The following GALNTL6 variants were observed in gnomAD, a reference collection of about 807,000 sequenced individuals.
GALNTL6 encodes polypeptide N-acetylgalactosaminyltransferase-like 6.
A neutral mutation model predicts 73.7 loss-of-function variants in GALNTL6; 46 were observed. The ratio of observed to expected loss-of-function variants is 0.62; its 90% confidence interval spans 0.49 to 0.80. The LOEUF (loss-of-function observed/expected upper bound fraction) is 0.80. Ranked by LOEUF, GALNTL6 falls within the 30% of genes least tolerant of loss-of-function variation. The pLI is 0.00. For missense variants in GALNTL6, 604 were observed against 755.0 expected, an observed-to-expected ratio of 0.80 and a Z score of 2.34; for synonymous variants, 259 against 263.7, an observed-to-expected ratio of 0.98 and a Z score of 0.17.
chr4:172,380,837 T>A (rs1420471021), intron 5 of GALNTL6, among the ~76,000 whole-genome samples: 1 of 152,230 alleles, frequency 6.6e-6, no homozygotes, highest in Non-Finnish European at 1.5e-5. Flanking sequence ...GTTTTGCTGA[T>A]TTTCAGCTTG....
At chr4:171,958,384 C>T (rs896113091) in intron 2 of GALNTL6, among the ~76,000 whole-genome samples, 5 of 152,102 alleles carry the variant, frequency 3.3e-5, no homozygotes, top group Admixed American at 1.3e-4. Flanking sequence ...TAAGCTAATG[C>T]TTTCAGGGTG....
chr4:172,863,953 G>T (rs1245247623), intron 7 of GALNTL6, among the ~76,000 whole-genome samples: 1 of 152,104 alleles, frequency 6.6e-6, no homozygotes, highest in Non-Finnish European at 1.5e-5. Flanking sequence ...TTCCCATGCT[G>T]TTCTCATGAT....
chr4:171,838,270 C>G (rs1326534408), intron 2 of GALNTL6, among the ~76,000 whole-genome samples: 1 of 151,898 alleles, frequency 6.6e-6, no homozygotes, highest in Admixed American at 6.6e-5. Context: ...GTTACAGGAG[C>G]ACACCACCAT....
intron 2 of GALNTL6, among the ~76,000 whole-genome samples, chr4:172,196,088 G>C (rs1735759153): frequency 7.3e-6 from 1 of 137,666 alleles, no homozygotes; most frequent in South Asian, 2.3e-4. Flanking sequence ...TAACTGAATA[G>C]ACACAATAAA....
intron 4 of GALNTL6, among the ~76,000 whole-genome samples, chr4:172,331,097 AATTAT>A (rs1187526991): frequency 6.6e-6 from 1 of 151,920 alleles, no homozygotes; most frequent in Non-Finnish European, 1.5e-5. Context: ...TTTGCCTATT[AATTAT>A]ATTATCTATC....
chr4:172,779,156 G>T (rs553519048), intron 5 of GALNTL6, among the ~76,000 whole-genome samples: 20 of 152,262 alleles, frequency 1.3e-4, no homozygotes, highest in African/African-American at 4.3e-4. Flanking sequence ...AGCACTCCAA[G>T]TATTTGTCTA....
chr4:172,013,288 T>C (rs940653019), intron 2 of GALNTL6, among the ~76,000 whole-genome samples: 2 of 152,070 alleles, frequency 1.3e-5, no homozygotes, highest in African/African-American at 4.8e-5. Context: ...CCTATCTATG[T>C]ACTTATTAAA....
intron 5 of GALNTL6, among the ~76,000 whole-genome samples, chr4:172,523,827 A>C (rs928021892): frequency 4.6e-5 from 7 of 152,218 alleles, no homozygotes; most frequent in Admixed American, 1.3e-4. Flanking sequence ...ATCTTTAAAA[A>C]AATTGTCATT....
At chr4:172,436,691 C>G (rs1731645461) in intron 5 of GALNTL6, among the ~76,000 whole-genome samples, 1 of 152,014 alleles carries the variant, frequency 6.6e-6, no homozygotes, top group Non-Finnish European at 1.5e-5. Flanking sequence ...CTCAAGAGGC[C>G]ATAAGGAACA....
intron 5 of GALNTL6, among the ~76,000 whole-genome samples, chr4:172,562,155 C>T (rs1256738963): frequency 6.6e-6 from 1 of 152,136 alleles, no homozygotes; most frequent in Non-Finnish European, 1.5e-5. Context: ...ACCACCTCTC[C>T]TCTGGTGTTC....
At chr4:172,074,893 A>G (rs573927578) in intron 2 of GALNTL6, among the ~76,000 whole-genome samples, 4 of 152,240 alleles carry the variant, frequency 2.6e-5, no homozygotes, top group African/African-American at 9.6e-5. Flanking sequence ...CTTTTAAAAT[A>G]TGCTAAAGAT....
At chr4:172,418,737 C>G (rs554104224) in intron 5 of GALNTL6, among the ~76,000 whole-genome samples, 3 of 152,148 alleles carry the variant, frequency 2.0e-5, no homozygotes, top group African/African-American at 7.2e-5. Context: ...CATTATACTC[C>G]GATACATGGG....
At chr4:171,974,465 C>T (rs935667048) in intron 2 of GALNTL6, among the ~76,000 whole-genome samples, 1 of 152,106 alleles carries the variant, frequency 6.6e-6, no homozygotes, top group African/African-American at 2.4e-5. Flanking sequence ...TATCCTGATT[C>T]TTTGTAGCAT....
intron 5 of GALNTL6, among the ~76,000 whole-genome samples, chr4:172,442,357 G>T (rs894093106): frequency 6.6e-6 from 1 of 152,080 alleles, no homozygotes; most frequent in Non-Finnish European, 1.5e-5. Context: ...CTTCTGGGGG[G>T]AGTGAAGCCA....
At position 171,909,144 on chromosome 4, in the gene GALNTL6, T is replaced by TA. The variant is rs370708126; in HGVS notation, c.138+94428dup. 6.2e-5 allele frequency among the ~76,000 whole-genome samples: 8 copies of TA among 128,496 alleles called. No homozygotes were observed. The South Asian group carries it at 1.2e-3, about 20-fold the overall frequency. 84.3% of individuals were successfully genotyped at this position (128,496 alleles called of 152,430 possible). Reference sequence around the variant, plus strand: ...ATGTACCCTAAAACTTAAAGTATAATAATAAATAAATAAATAAATAAAAAG... The same window carrying TA: ...ATGTACCCTAAAACTTAAAGTATAATAAATAAATAAATAAATAAATAAAAAG... On this transcript the variant is annotated intron_variant, in intron 2 of 12. Coordinates refer to ENST00000506823, the MANE Select transcript of GALNTL6 (RefSeq NM_001034845.3).
At chr4:171,969,235 C>T (rs929510554) in intron 2 of GALNTL6, among the ~76,000 whole-genome samples, 3 of 152,158 alleles carry the variant, frequency 2.0e-5, no homozygotes, top group Admixed American at 2.0e-4. Flanking sequence ...ACCTTCTTGA[C>T]TCTGCTATAA....
chr4:172,817,092 C>A (rs1346935287), intron 7 of GALNTL6, among the ~76,000 whole-genome samples: 4 of 148,356 alleles, frequency 2.7e-5, no homozygotes, highest in Non-Finnish European at 6.0e-5. Context: ...TGAGAAACAG[C>A]CAGACTCCGT....
intron 2 of GALNTL6, among the ~76,000 whole-genome samples, chr4:172,015,505 T>G (rs1741161700): frequency 6.6e-6 from 1 of 152,106 alleles, no homozygotes; most frequent in Admixed American, 6.6e-5. Context: ...CATTCTGCCA[T>G]TCTGTATATT....
At chr4:171,959,038 A>T (rs994621127) in intron 2 of GALNTL6, among the ~76,000 whole-genome samples, 2 of 152,162 alleles carry the variant, frequency 1.3e-5, no homozygotes, top group African/African-American at 4.8e-5. Flanking sequence ...TAGCCTGAGA[A>T]ATATGCAATA....
Sources: allele counts gnomAD v4.1 joint callset (sites outside exome capture counted in the v4.1 genomes callset), GRCh38; gene constraint gnomAD v4.1.1; transcripts MANE v1.5; gene names NCBI Gene and HGNC (gene_info 2026-07-23, HGNC 2026-07-21).